TRMT11: variants seen among roughly 807,000 people sequenced by gnomAD.
The protein encoded by TRMT11 is tRNA (guanine(10)-N(2))-methyltransferase TRMT11.
Under a neutral mutation model 62.8 loss-of-function variants are expected in TRMT11, and 53 were observed. The observed-to-expected ratio is 0.84, with a 90% confidence interval of 0.68 to 1.06. The LOEUF (loss-of-function observed/expected upper bound fraction) is 1.06, where lower values mean the gene tolerates loss of function less well. Among genes scored for constraint, TRMT11 ranks in the 50% least tolerant of loss-of-function variants. The pLI is 0.00. For missense variants in TRMT11, 556 were observed against 553.4 expected, an observed-to-expected ratio of 1.00 and a Z score of -0.05; for synonymous variants, 188 against 190.3, an observed-to-expected ratio of 0.99 and a Z score of 0.10.
the TRMT11 span, among the ~76,000 whole-genome samples, chr6:126,242,064 T>C: frequency 1.3e-5 from 2 of 151,510 alleles, no homozygotes; most frequent in African/African-American, 2.5e-5. Flanking sequence ...TCTCCTTAAG[T>C]TGATAAGCAA....
chr6:126,189,536 G>A (rs1221040402), intron 1 of TRMT11, among the ~76,000 whole-genome samples: 1 of 152,022 alleles, frequency 6.6e-6, no homozygotes, highest in Non-Finnish European at 1.5e-5. Context: ...TAGAAAATGG[G>A]AAAATTGTTA....
intron 12 of TRMT11, among the ~76,000 whole-genome samples, chr6:126,026,245 A>C (rs1773057878): frequency 6.6e-6 from 1 of 152,214 alleles, no homozygotes; most frequent in African/African-American, 2.4e-5. Flanking sequence ...TTAAATAGTA[A>C]GTGGAAGAGT....
upstream of TRMT11, among the ~76,000 whole-genome samples, chr6:126,174,351 AG>A (rs1279443224): frequency 6.6e-6 from 1 of 152,250 alleles, no homozygotes; most frequent in Non-Finnish European, 1.5e-5. Flanking sequence ...GCCCACAAAA[AG>A]CTGCCAGACA....
Position 126,013,039 on chromosome 6 carries a change from C to G in TRMT11, c.1077C>G (p.Phe359Leu). Residue 359 changes from phenylalanine (F) to leucine (L), a missense_variant, in exon 11 of 13, where the codon TTC becomes TTG. By Grantham distance (22) the Phe-to-Leu change is conservative. Transcript: ENST00000334379. The stretch of plus-strand genomic sequence containing the variant: ...ATATGTTTCTTGACCTGTTAAACTT[C>G]GCAGCTGAGACCCTCGTTTTAGGTG... The part of the protein sequence containing the change: ...LSDMFLDLLN[F>L]AAETLVLGGR... The G allele has an allele frequency of 4.3e-6, 7 of 1,613,796 alleles. No homozygotes were observed. The highest frequency in any genetic ancestry group is 5.9e-6 in the Non-Finnish European group (7 of 1,179,896).
the TRMT11 span, among the ~76,000 whole-genome samples, chr6:126,271,919 C>T: frequency 5.3e-5 from 8 of 152,136 alleles, no homozygotes; most frequent in Non-Finnish European, 8.8e-5. Flanking sequence ...CAATAGATAG[C>T]AGACTGCATG....
the TRMT11 span, among the ~76,000 whole-genome samples, chr6:126,261,232 TC>T: frequency 3.0e-4 from 45 of 152,188 alleles, no homozygotes; most frequent in African/African-American, 1.1e-3. Context: ...AGTTTTTATT[TC>T]ATTAACTGAT....
rs1777366283 is a variant in TRMT11 at position 126,098,808 on chromosome 6, G to T, written c.*1438-14058G>T. ...CACATGGGCCTAGATAAACAGATGG[G>T]TACACCATTTTGTTCTTTCATGTTT... is the stretch of plus-strand genomic sequence containing the variant. On this transcript the variant is annotated intron_variant and NMD_transcript_variant, in intron 17 of 22. Transcript: ENST00000648977. 2.6e-5 allele frequency among the ~76,000 whole-genome samples: 4 copies of T among 152,130 alleles called. No homozygotes were observed. In the South Asian group the frequency reaches 8.3e-4, roughly 31 times the overall value.
At chr6:126,210,980 CT>C in the TRMT11 span, among the ~76,000 whole-genome samples, 96,637 of 131,560 alleles carry the variant, frequency 0.73, 35,211 homozygotes, top group East Asian at 0.98. Context: ...ATAACATTCC[CT>C]TTTTTTTTTT....
intron 21 of TRMT11, among the ~76,000 whole-genome samples, chr6:126,165,888 G>A (rs1307901967): frequency 6.6e-6 from 1 of 152,150 alleles, no homozygotes; most frequent in Admixed American, 6.5e-5. Flanking sequence ...TTCCAAGTTG[G>A]TTCCTTTCTC....
chr6:126,051,150 AG>A (rs1312739437), intron 16 of TRMT11, among the ~76,000 whole-genome samples: 1 of 152,224 alleles, frequency 6.6e-6, no homozygotes, highest in African/African-American at 2.4e-5. Context: ...TTTATACCAA[AG>A]AGTGCATAAA....
At chr6:126,078,820 C>CT (rs1354652410) in intron 17 of TRMT11, among the ~76,000 whole-genome samples, 1 of 152,150 alleles carries the variant, frequency 6.6e-6, no homozygotes, top group Non-Finnish European at 1.5e-5. Flanking sequence ...CCACGTCACA[C>CT]TTTTGTAGGA....
chr6:126,096,913 A>T (rs1777347422), intron 17 of TRMT11, among the ~76,000 whole-genome samples: 1 of 152,226 alleles, frequency 6.6e-6, no homozygotes, highest in Non-Finnish European at 1.5e-5. Context: ...AATGAGAAGG[A>T]CCAAAATTTG....
chr6:126,156,009 A>C (rs1411516530), intron 21 of TRMT11, among the ~76,000 whole-genome samples: 1 of 152,132 alleles, frequency 6.6e-6, no homozygotes, highest in Non-Finnish European at 1.5e-5. Flanking sequence ...TACAGGTGTG[A>C]GCCACCGTGC....
rs537875363 is a variant in TRMT11 at position 126,177,288 on chromosome 6, A to G, written n.96A>G. ...TTTCAAAAAGATTGGATGCAAAACT[A>G]TTATGGCAACAGGAATTTTTATCAA... On this transcript the variant is annotated non_coding_transcript_exon_variant, in exon 1 of 4. Coordinates refer to the TRMT11 transcript ENST00000444229. 3.9e-5 allele frequency: 6 copies of G among 152,282 alleles called. No individual in the cohort carries two copies. The South Asian group carries it at 1.2e-3, about 32-fold the overall frequency. The allele number at this position is 152,282 out of a possible 1,614,324, so 9.4% of individuals were successfully genotyped here.
At chr6:126,132,238 C>A (rs931757247) in intron 21 of TRMT11, among the ~76,000 whole-genome samples, 2 of 152,044 alleles carry the variant, frequency 1.3e-5, no homozygotes, top group African/African-American at 4.8e-5. Context: ...TATGAGGTGG[C>A]AACAACTTTG....
chr6:126,124,253 T>A (rs1777683264), intron 21 of TRMT11, among the ~76,000 whole-genome samples: 3 of 152,118 alleles, frequency 2.0e-5, no homozygotes, highest in Admixed American at 1.3e-4. Context: ...TCTTTTCTCT[T>A]GGGTCCGTTA....
chr6:125,993,671 T>C, intron 1 of TRMT11, 86 bp from the exon 2 acceptor site: 3 of 749,054 alleles, frequency 4.0e-6, no homozygotes, highest in Non-Finnish European at 6.6e-6. Flanking sequence ...ACTCTTATTT[T>C]TTAGTCATGT....
intron 1 of TRMT11, among the ~76,000 whole-genome samples, chr6:126,178,248 C>T (rs915443959): frequency 4.6e-5 from 7 of 152,160 alleles, no homozygotes; most frequent in Non-Finnish European, 1.0e-4. Flanking sequence ...GATCACCTTC[C>T]CTTTTTGAGG....
chr6:126,139,477 T>G (rs1048959538), intron 21 of TRMT11, among the ~76,000 whole-genome samples: 40 of 152,260 alleles, frequency 2.6e-4, no homozygotes, highest in African/African-American at 9.1e-4. Context: ...CAAGCAATTC[T>G]CCTGCCTCAG....
Sources: allele counts gnomAD v4.1 joint callset (sites outside exome capture counted in the v4.1 genomes callset), GRCh38; gene constraint gnomAD v4.1.1; transcripts MANE v1.5; gene names NCBI Gene and HGNC (gene_info 2026-07-23, HGNC 2026-07-21).